USP30: variants seen among roughly 807,000 people sequenced by gnomAD.
The protein encoded by USP30 is ubiquitin carboxyl-terminal hydrolase 30.
In USP30, 41 loss-of-function variants were observed where a neutral mutation model predicts 68.2. That is an observed-to-expected ratio of 0.60 (90% confidence interval 0.47 to 0.78). USP30 has a LOEUF of 0.78. Ranked by LOEUF, USP30 falls within the 30% of genes least tolerant of loss-of-function variation. The pLI, the probability that USP30 is intolerant of heterozygous loss-of-function variation, is 0.00. For missense variants in USP30, 522 were observed against 649.4 expected (o/e 0.80, Z 2.13); for synonymous variants, 229 against 253.7 (o/e 0.90, Z 0.93).
At chr12:109,052,805 G>A (rs765393610) in intron 1 of USP30, 44 bp downstream of exon 1, 8 of 1,413,942 alleles carry the variant, frequency 5.7e-6, no homozygotes, top group Non-Finnish European at 7.4e-6. Context: ...CCGGGACCAG[G>A]GTCCCCAGCT....
chr12:109,077,782 A>G (rs1364692347), intron 7 of USP30, among the ~76,000 whole-genome samples: 1 of 150,902 alleles, frequency 6.6e-6, no homozygotes, highest in Non-Finnish European at 1.5e-5. Context: ...TTCCATTTTA[A>G]TACCTTTGTT....
intron 3 of USP30, among the ~76,000 whole-genome samples, chr12:109,041,541 A>G (rs966829297): frequency 1.3e-5 from 2 of 152,116 alleles, no homozygotes; most frequent in Non-Finnish European, 2.9e-5. Context: ...AGGCTGAGGC[A>G]GAGGAATCGC....
chr12:109,069,277 T>C (rs891173067), intron 4 of USP30, among the ~76,000 whole-genome samples: 1 of 152,246 alleles, frequency 6.6e-6, no homozygotes, highest in African/African-American at 2.4e-5. Flanking sequence ...TTCTCGGATC[T>C]GCTTCAAGCC....
Position 109,086,954 on chromosome 12 carries a change from A to C in USP30, c.*1023A>C, listed in dbSNP as rs886384572. 6.6e-6 allele frequency: 1 copy of C among 152,020 alleles called. No individual in the cohort carries two copies. The highest frequency in any genetic ancestry group is 1.5e-5 in the Non-Finnish European group (1 of 68,010). 9.4% of individuals were successfully genotyped at this position (152,020 alleles called of 1,614,324 possible). ...GTGAAGTGAAGGGTTAGATTTGATG[A>C]CCACCAAAGTTCAGCCCTTTTCACG... On this transcript the variant is annotated 3_prime_UTR_variant, in exon 13 of 13. Transcript: ENST00000257548.
In USP30 at chr12:109,033,751, C is replaced by T. The variant is rs116162393; in HGVS notation, c.-136+6195C>T. Among the ~76,000 whole-genome samples the T allele has an allele frequency of 1.1e-3, 165 of 152,258 alleles. 1 individual carries two copies. The highest frequency in any genetic ancestry group is 3.9e-3 in the African/African-American group (161 of 41,538). On this transcript the variant is annotated intron_variant, in intron 3 of 15. Coordinates refer to the USP30 transcript ENST00000392784. ...GCACTGTGCTGGGAGCAGGTAAGTA[C>T]CTCTTGACTTTGCCACAGAAGCTGG... is the stretch of plus-strand genomic sequence containing the variant.
chr12:109,025,317 A>G (rs1461758546), intron 2 of USP30, among the ~76,000 whole-genome samples: 1 of 151,988 alleles, frequency 6.6e-6, no homozygotes, highest in East Asian at 1.9e-4. Context: ...TATGAGAGAT[A>G]CCTTATATTT....
chr12:109,071,843 G>A (rs2041453866), intron 5 of USP30, 133 bp downstream of exon 5: 1 of 811,666 alleles, frequency 1.2e-6, no homozygotes, highest in Non-Finnish European at 1.9e-6. Flanking sequence ...ATGAGGCCAG[G>A]GGAGGGTCTT....
chr12:109,073,672 C>A, intron 7 of USP30, 140 bp downstream of exon 7: 1 of 695,218 alleles, frequency 1.4e-6, no homozygotes, highest in Non-Finnish European at 2.5e-6. Flanking sequence ...GGACTGACTA[C>A]CCCACTTTGG....
rs546876536 is a variant in USP30, at chr12:109,066,947, T to G, written c.377-577T>G. On this transcript the variant is annotated intron_variant, in intron 3 of 12. Coordinates refer to ENST00000257548, the MANE Select transcript of USP30 (RefSeq NM_032663.5). ...CAAATTTATATTGATGATGATAGTT[T>G]GAAGATACAGGAATCGGTTACTTCA... is the stretch of plus-strand genomic sequence containing the variant. Among the ~76,000 whole-genome samples, 34 of 152,254 alleles carry G rather than the reference T, an allele frequency of 2.2e-4. 1 individual carries two copies. The South Asian group carries it at 7.0e-3, about 32-fold the overall frequency.
rs3217401 is a variant in USP30 at position 109,052,621 on chromosome 12, C to CCGGCGG, written c.-45_-40dup. 0.45 allele frequency: 612,148 copies of CCGGCGG among 1,351,086 alleles called. 116,207 individuals carry two copies. Among genetic ancestry groups the CCGGCGG allele is most frequent in the Admixed American group, 0.57 (18,178 of 31,856 alleles). 83.7% of individuals were successfully genotyped at this position (1,351,086 alleles called of 1,614,324 possible). ...CTCGGGAACCGTCGTATCCCTCGGT[C>CCGGCGG]CGGCGGCGGCGGCGGCGGTAGCGGA... On this transcript the variant is annotated 5_prime_UTR_variant, in exon 1 of 13. Transcript: ENST00000257548.
At chr12:109,033,373 C>G (rs1289303426) in intron 3 of USP30, among the ~76,000 whole-genome samples, 1 of 152,200 alleles carries the variant, frequency 6.6e-6, no homozygotes, top group Non-Finnish European at 1.5e-5. Flanking sequence ...TTTGGAGGAG[C>G]TGGCAAATTC....
Position 109,081,924 on chromosome 12 carries a change from A to C in USP30, c.781-9A>C, listed in dbSNP as rs1198363085. ...GAATTGTAGTAATTTTCTTCTTCTC[A>C]TGCTGTAGGGTCACCCATTGACCCT... On this transcript the variant is annotated splice_polypyrimidine_tract_variant and intron_variant, in intron 8 of 12. Transcript: ENST00000257548. The C allele has an allele frequency of 6.2e-7, 1 of 1,613,826 alleles. No individual in the cohort carries two copies. The highest frequency in any genetic ancestry group is 8.5e-7 in the Non-Finnish European group (1 of 1,179,688).
rs564178093 is a variant in USP30 at position 109,067,447 on chromosome 12, A to G, written c.377-77A>G. 64 of 1,302,374 alleles carry G rather than the reference A, an allele frequency of 4.9e-5. No individual in the cohort carries two copies. The African/African-American group carries it at 8.5e-4, about 17-fold the overall frequency. The allele number at this position is 1,302,374 out of a possible 1,614,324, so 80.7% of individuals were successfully genotyped here. A position where few individuals can be genotyped will look rare whatever the true frequency, so the allele number is the denominator to read the frequency against. On this transcript the variant is annotated intron_variant, in intron 3 of 12. Transcript: ENST00000257548. ...TCTTTAATTTTTAATTAACTTTGAT[A>G]TGTTATACTGTGCAAGTTTTCTGGT...
chr12:109,055,400 A>ACATATATATATATATATATATATTTTTTT (rs1555257267), intron 1 of USP30, among the ~76,000 whole-genome samples: 156 of 24,364 alleles, frequency 6.4e-3, no homozygotes, highest in Non-Finnish European at 0.011. Flanking sequence ...ATATATATAT[A>ACATATATATATATATATATATATTTTTTT]TTTTTTTTTT....
upstream of USP30, among the ~76,000 whole-genome samples, chr12:109,048,277 G>T (rs979444872): frequency 6.6e-6 from 1 of 151,866 alleles, no homozygotes; most frequent in Non-Finnish European, 1.5e-5. Flanking sequence ...TAGAGACAGG[G>T]TTTCACCATG....
intron 3 of USP30, among the ~76,000 whole-genome samples, chr12:109,047,420 G>T (rs1458297504): frequency 6.6e-6 from 1 of 152,104 alleles, no homozygotes; most frequent in Non-Finnish European, 1.5e-5. Flanking sequence ...GAATTTAAAT[G>T]ATTTTGAGAC....
Position 109,087,848 on chromosome 12 carries a change from G to A in USP30, c.*1917G>A, listed in dbSNP as rs2135852219. The A allele has an allele frequency of 5.8e-6, 1 of 171,492 alleles. No homozygotes were observed. 10.6% of individuals were successfully genotyped at this position (171,492 alleles called of 1,614,324 possible). On this transcript the variant is annotated 3_prime_UTR_variant, in exon 13 of 13. Transcript: ENST00000257548. ...TTTGTAAATTATTATGCATTAAGTA[G>A]CAGCCCAATAATCTGATTTCTAGTT...
rs761764211 is a variant in USP30 at position 109,057,951 on chromosome 12, A to C, written c.219A>C (p.Leu73Phe). The C allele has an allele frequency of 1.2e-6, 2 of 1,613,620 alleles. No homozygotes were observed. The highest frequency in any genetic ancestry group is 2.2e-5 in the South Asian group (2 of 91,034). Residue 73 changes from leucine to phenylalanine, a missense_variant, in exon 3 of 13, where the codon TTA (leucine) becomes TTC (phenylalanine). Physicochemically the swap from Leu to Phe is conservative, Grantham distance 22. Transcript: ENST00000257548. ...RKGLVPGLVNLGNTCFMNSLL... is the reference protein window; with the variant it reads ...RKGLVPGLVNFGNTCFMNSLL... ...GGCTTGTGCCTGGCCTTGTTAATTT[A>C]GGGAACACCTGCTTCATGAACTCCC...
At chr12:109,081,852 G>T in intron 8 of USP30, 81 bp from the exon 9 acceptor site, 1 of 1,351,622 alleles carries the variant, frequency 7.4e-7, no homozygotes, top group South Asian at 1.2e-5. Flanking sequence ...ATAAAGCTCT[G>T]GTCTTCACAC....
Sources: gnomAD v4.1 joint callset for allele counts (sites outside exome capture counted in the v4.1 genomes callset) on GRCh38, gnomAD v4.1.1 for gene constraint, MANE v1.5 for transcripts, NCBI Gene and HGNC (gene_info 2026-07-23, HGNC 2026-07-21) for gene names.